The following STXBP5L variants were observed in gnomAD, a reference collection of about 807,000 sequenced individuals.
STXBP5L encodes the protein syntaxin binding protein 5L.
A neutral mutation model predicts 144.5 loss-of-function variants in STXBP5L; 65 were observed. The ratio of observed to expected loss-of-function variants is 0.45; its 90% CI spans 0.37 to 0.55. The LOEUF (loss-of-function observed/expected upper bound fraction) is 0.55. Ranked by LOEUF, STXBP5L falls within the 20% of genes least tolerant of loss-of-function variation. STXBP5L has a pLI of 0.00. For synonymous variants in STXBP5L, 505 were observed against 469.6 expected (o/e 1.08, Z -0.97); for missense variants, 1,298 against 1,405.5 (o/e 0.92, Z 1.22).
chr3:121,244,418 T>G (rs1392373423), intron 14 of STXBP5L, among the ~76,000 whole-genome samples: 1 of 151,352 alleles, frequency 6.6e-6, no homozygotes, highest in Non-Finnish European at 1.5e-5. Context: ...AGTGGACTGA[T>G]GTACACATTA....
chr3:121,145,241 A>ATT (rs1319117067), intron 7 of STXBP5L, among the ~76,000 whole-genome samples: 4 of 151,888 alleles, frequency 2.6e-5, no homozygotes, highest in Non-Finnish European at 5.9e-5. Flanking sequence ...TCCCACCAGC[A>ATT]CATTAAAAAA....
At chr3:121,215,383 T>C (rs1316088383) in intron 10 of STXBP5L, among the ~76,000 whole-genome samples, 1 of 152,348 alleles carries the variant, frequency 6.6e-6, no homozygotes, top group East Asian at 1.9e-4. Flanking sequence ...CAGGAGCTCT[T>C]GTAAGGCAGG....
intron 3 of STXBP5L, among the ~76,000 whole-genome samples, chr3:121,024,921 C>G (rs753430394): frequency 6.6e-6 from 1 of 152,104 alleles, no homozygotes; most frequent in African/African-American, 2.4e-5. Context: ...TGAAAAATCA[C>G]TTAATTTCTC....
chr3:121,311,915 A>G (rs2043542495), intron 19 of STXBP5L, among the ~76,000 whole-genome samples: 1 of 152,236 alleles, frequency 6.6e-6, no homozygotes, highest in Non-Finnish European at 1.5e-5. Flanking sequence ...ACAAAGCTGG[A>G]GGCATCAAGC....
Position 121,193,977 on chromosome 3 carries a change from T to C in STXBP5L, c.878-11946T>C, listed in dbSNP as rs529123791. ...ACTAGAAGTTAACATATAATAATAA[T>C]AATAATAATAATAAAAAGAAATTTT... On this transcript the variant is annotated intron_variant, in intron 9 of 26. Transcript: ENST00000471454. 4.6e-5 allele frequency among the ~76,000 whole-genome samples: 7 copies of C among 151,794 alleles called. 1 individual carries two copies. The highest frequency in any genetic ancestry group is 3.9e-4 in the Admixed American group (6 of 15,226).
chr3:121,245,052 T>C (rs935448930), intron 14 of STXBP5L, among the ~76,000 whole-genome samples: 1 of 152,136 alleles, frequency 6.6e-6, no homozygotes, highest in Non-Finnish European at 1.5e-5. Context: ...ATTTTAAAGA[T>C]GGTGGATAAA....
chr3:121,402,723 C>T (rs2046909403), intron 22 of STXBP5L, among the ~76,000 whole-genome samples: 1 of 152,152 alleles, frequency 6.6e-6, no homozygotes, highest in South Asian at 2.1e-4. Context: ...GGCTCTTATG[C>T]TGCTAGGTAA....
At chr3:121,094,170 C>T (rs2042985766) in intron 5 of STXBP5L, among the ~76,000 whole-genome samples, 1 of 151,986 alleles carries the variant, frequency 6.6e-6, no homozygotes, top group South Asian at 2.1e-4. Flanking sequence ...TTTACATTTG[C>T]TGAGGAGAGC....
intron 3 of STXBP5L, among the ~76,000 whole-genome samples, chr3:120,962,395 T>A (rs550265078): frequency 6.6e-6 from 1 of 152,324 alleles, no homozygotes; most frequent in African/African-American, 2.4e-5. Context: ...TCTTCTAGGG[T>A]TTTTATGGTT....
chr3:121,349,095 A>C (rs1404707288), intron 20 of STXBP5L, among the ~76,000 whole-genome samples: 1 of 152,078 alleles, frequency 6.6e-6, no homozygotes, highest in African/African-American at 2.4e-5. Context: ...GTGGGCATTT[A>C]GTGCTATACA....
At chr3:121,326,527 CA>C (rs2044154777) in intron 20 of STXBP5L, among the ~76,000 whole-genome samples, 1 of 151,938 alleles carries the variant, frequency 6.6e-6, no homozygotes, top group Non-Finnish European at 1.5e-5. Flanking sequence ...TTAATCTAAA[CA>C]ACTTTTATTT....
chr3:121,164,938 A>G lies in STXBP5L; in HGVS notation c.877+7311A>G, dbSNP rs149571616. On this transcript the variant is annotated intron_variant, in intron 9 of 26. Transcript: ENST00000471454. The stretch of plus-strand genomic sequence containing the variant: ...TCAGAGGATACAAAGTAGCAGATAT[A>G]TAGAAGAAAAAGTTGAAATCTAATC... Among the ~76,000 whole-genome samples, 563 of 152,318 alleles carry G rather than the reference A, an allele frequency of 3.7e-3. 7 individuals are homozygous for G. The highest frequency in any genetic ancestry group is 0.011 in the African/African-American group (477 of 41,574).
chr3:121,198,060 G>A (rs200239078), intron 9 of STXBP5L, among the ~76,000 whole-genome samples: 2 of 152,160 alleles, frequency 1.3e-5, no homozygotes, highest in East Asian at 3.8e-4. Context: ...AGATCCTTGA[G>A]GAACCAAAAC....
At chr3:120,934,764 T>C (rs1013456178) in intron 2 of STXBP5L, among the ~76,000 whole-genome samples, 6 of 151,852 alleles carry the variant, frequency 4.0e-5, no homozygotes, top group Non-Finnish European at 7.4e-5. Flanking sequence ...ATCCTTGGTA[T>C]TTTTTTTCCT....
chr3:121,260,993 C>T (rs540769591), intron 18 of STXBP5L, among the ~76,000 whole-genome samples: 26 of 152,028 alleles, frequency 1.7e-4, no homozygotes, highest in Non-Finnish European at 3.1e-4. Context: ...TTATTTGATA[C>T]GGTAAGAATA....
At chr3:121,084,785 T>A (rs1255432558) in intron 5 of STXBP5L, among the ~76,000 whole-genome samples, 1 of 152,206 alleles carries the variant, frequency 6.6e-6, no homozygotes, top group Non-Finnish European at 1.5e-5. Context: ...ATCACCATAC[T>A]GTCTTCCACT....
chr3:120,952,981 A>G (rs1711368624), intron 2 of STXBP5L, among the ~76,000 whole-genome samples: 1 of 151,130 alleles, frequency 6.6e-6, no homozygotes, highest in East Asian at 2.0e-4. Flanking sequence ...TTTTTTCTTA[A>G]TAGAGACAAG....
intron 3 of STXBP5L, among the ~76,000 whole-genome samples, chr3:120,995,840 C>T (rs1246260568): frequency 1.3e-5 from 2 of 152,074 alleles, no homozygotes; most frequent in African/African-American, 4.8e-5. Flanking sequence ...ATTTTCCACC[C>T]GTTCTTATGT....
intron 9 of STXBP5L, among the ~76,000 whole-genome samples, chr3:121,187,530 C>T (rs761411682): frequency 3.8e-4 from 56 of 148,802 alleles, no homozygotes; most frequent in Middle Eastern, 3.4e-3. Context: ...GCACATTGTG[C>T]ACATGTACCC....
Sources: allele counts gnomAD v4.1 joint callset (sites outside exome capture counted in the v4.1 genomes callset), GRCh38; gene constraint gnomAD v4.1.1; transcripts MANE v1.5; gene names NCBI Gene and HGNC (gene_info 2026-07-23, HGNC 2026-07-21).